NVL: variants seen among roughly 807,000 people sequenced by gnomAD.
The protein encoded by NVL is nuclear VCP like, also known as nuclear valosin-containing protein-like.
NVL carries 84 observed loss-of-function variants against 110.2 expected under a neutral mutation model. The ratio of observed to expected loss-of-function variants is 0.76; its 90% CI spans 0.64 to 0.91. The LOEUF (loss-of-function observed/expected upper bound fraction) is 0.91. Ranked by LOEUF, NVL falls within the 40% of genes least tolerant of loss-of-function variation. The probability of loss-of-function intolerance (pLI) is 0.00; values close to 1 mark genes in which losing one functional copy is unlikely to be tolerated. For synonymous variants in NVL, 354 were observed against 361.1 expected (o/e 0.98, Z 0.22); for missense variants, 882 against 1,035.9 (o/e 0.85, Z 2.04).
intron 18 of NVL, among the ~76,000 whole-genome samples, chr1:224,257,672 C>A (rs1031530234): frequency 6.6e-6 from 1 of 152,092 alleles, no homozygotes. Flanking sequence ...AGACTACAGG[C>A]ATGCACCACC....
At chr1:224,292,877 A>C (rs1667505512) in intron 12 of NVL, among the ~76,000 whole-genome samples, 1 of 151,752 alleles carries the variant, frequency 6.6e-6, no homozygotes, top group Admixed American at 6.6e-5. Context: ...CAGTTTCCTA[A>C]GTAGCTGGGA....
intron 5 of NVL, among the ~76,000 whole-genome samples, chr1:224,311,541 G>GTA (rs147488864): frequency 0.059 from 8,991 of 151,912 alleles, 837 homozygotes; most frequent in African/African-American, 0.2. Context: ...GCTAACTTTT[G>GTA]TATTTTTTGT....
chr1:224,275,110 A>T (rs908877467), intron 17 of NVL, among the ~76,000 whole-genome samples: 1 of 152,226 alleles, frequency 6.6e-6, no homozygotes, highest in Non-Finnish European at 1.5e-5. Context: ...GTGAATTAGG[A>T]TGACCTAAAG....
At chr1:224,253,756 A>G (rs185015988) in intron 18 of NVL, among the ~76,000 whole-genome samples, 9 of 151,850 alleles carry the variant, frequency 5.9e-5, no homozygotes, top group South Asian at 2.1e-4. Flanking sequence ...AAAGAAAAGA[A>G]AAAAAGAAAT....
intron 6 of NVL, among the ~76,000 whole-genome samples, chr1:224,306,940 G>A (rs1049037355): frequency 6.6e-6 from 1 of 152,078 alleles, no homozygotes; most frequent in South Asian, 2.1e-4. Flanking sequence ...GATTTGGAAA[G>A]GCCTATTAAT....
intron 22 of NVL, among the ~76,000 whole-genome samples, chr1:224,228,605 G>A (rs946401571): frequency 4.0e-5 from 6 of 150,112 alleles, no homozygotes; most frequent in Non-Finnish European, 8.9e-5. Flanking sequence ...GCCAGGCCGG[G>A]AAAGTAGAAG....
At chr1:224,258,981 A>T (rs1156648575) in intron 18 of NVL, among the ~76,000 whole-genome samples, 3 of 6,924 alleles carry the variant, frequency 4.3e-4, no homozygotes, top group East Asian at 0.025. Context: ...CTCTACATTA[A>T]AAAAAAAAAA....
intron 18 of NVL, among the ~76,000 whole-genome samples, chr1:224,265,268 G>T (rs772886374): frequency 2.6e-5 from 4 of 152,164 alleles, no homozygotes; most frequent in Non-Finnish European, 5.9e-5. Context: ...ACTTTGGGAG[G>T]CCGAGGAAGG....
intron 2 of NVL, among the ~76,000 whole-genome samples, chr1:224,319,913 C>T (rs1375656428): frequency 6.6e-6 from 1 of 152,010 alleles, no homozygotes; most frequent in African/African-American, 2.4e-5. Context: ...GGTTTTCCTT[C>T]CAAAAACATA....
At chr1:224,278,442 A>G (rs2102867787) in intron 16 of NVL, among the ~76,000 whole-genome samples, 1 of 151,852 alleles carries the variant, frequency 6.6e-6, no homozygotes, top group South Asian at 2.1e-4. Context: ...CATTGGCCAC[A>G]CTGGTCTTAA....
At chr1:224,282,161 G>A (rs1214603651) in intron 15 of NVL, among the ~76,000 whole-genome samples, 1 of 151,206 alleles carries the variant, frequency 6.6e-6, no homozygotes, top group Non-Finnish European at 1.5e-5. Context: ...GACTTCCCAG[G>A]TTCAGGCAAT....
chr1:224,287,628 G>C (rs1666991735), intron 14 of NVL, 147 bp downstream of exon 14: 1 of 584,754 alleles, frequency 1.7e-6, no homozygotes, highest in Non-Finnish European at 3.0e-6. Flanking sequence ...TTGGGGGCTT[G>C]AAAGAAGTGC....
chr1:224,315,698 C>T (rs1053757461), intron 4 of NVL, among the ~76,000 whole-genome samples: 11 of 152,170 alleles, frequency 7.2e-5, no homozygotes, highest in South Asian at 2.1e-4. Flanking sequence ...ATCTATCACA[C>T]GACCCAGCTA....
At chr1:224,273,028 C>A (rs1490706652) in intron 17 of NVL, among the ~76,000 whole-genome samples, 1 of 109,016 alleles carries the variant, frequency 9.2e-6, no homozygotes, top group African/African-American at 3.3e-5. Context: ...AGCGAGACTC[C>A]GTCTCAAAAA....
intron 14 of NVL, among the ~76,000 whole-genome samples, chr1:224,286,545 T>G (rs1188459628): frequency 6.6e-6 from 1 of 152,140 alleles, no homozygotes; most frequent in Non-Finnish European, 1.5e-5. Flanking sequence ...GGCCTGAAGA[T>G]ACGAACAGTA....
chr1:224,236,224 C>T lies in NVL; in HGVS notation c.2366+282G>A, dbSNP rs559114579. On this transcript the variant is annotated intron_variant, in intron 20 of 22. Transcript: ENST00000281701. ...TAGATTAGTCTCTTTTAAATGCTGA[C>T]GCACCAGTACAATTTGTAAAGGACA... 2.4e-4 allele frequency among the ~76,000 whole-genome samples: 37 copies of T among 152,276 alleles called. No homozygotes were observed. In the South Asian group the frequency reaches 5.8e-3, roughly 24 times the overall value.
chr1:224,273,452 C>A (rs74903962), intron 17 of NVL, among the ~76,000 whole-genome samples: 1 of 151,718 alleles, frequency 6.6e-6, no homozygotes, highest in Non-Finnish European at 1.5e-5. Context: ...CAGTAGACAT[C>A]CAAGAAACAG....
At chr1:224,295,611 C>T (rs544524524) in intron 11 of NVL, among the ~76,000 whole-genome samples, 51 of 151,692 alleles carry the variant, frequency 3.4e-4, no homozygotes, top group South Asian at 1.9e-3. Context: ...CCCAGCACTT[C>T]GGGAGGCTGA....
At chr1:224,275,196 G>A in intron 17 of NVL, 143 bp downstream of exon 17, 1 of 928,366 alleles carries the variant, frequency 1.1e-6, no homozygotes, top group Non-Finnish European at 1.6e-6. Flanking sequence ...CTATCTCTAG[G>A]ATTTGATTTC....
Sources: gnomAD v4.1 joint callset for allele counts (sites outside exome capture counted in the v4.1 genomes callset) on GRCh38, gnomAD v4.1.1 for gene constraint, MANE v1.5 for transcripts, NCBI Gene and HGNC (gene_info 2026-07-23, HGNC 2026-07-21) for gene names.